Variants in GCA observed in about 807,000 individuals in gnomAD.
The protein encoded by GCA is grancalcin, also known as grancalcin, EF-hand calcium-binding protein.
A neutral mutation model predicts 32.6 loss-of-function variants in GCA; 30 were observed. The observed-to-expected ratio is 0.92, with a 90% CI of 0.69 to 1.25. The LOEUF is 1.25. Ranked by LOEUF, GCA falls within the 50% of genes most tolerant of loss-of-function variation. GCA has a pLI of 0.00. For synonymous variants in GCA, 102 were observed against 84.6 expected (o/e 1.21, Z -1.13); for missense variants, 291 against 266.8 (o/e 1.09, Z -0.63).
intron 3 of GCA, among the ~76,000 whole-genome samples, chr2:162,355,189 C>T (rs948388244): frequency 3.9e-5 from 6 of 152,202 alleles, no homozygotes; most frequent in Middle Eastern, 3.4e-3. Flanking sequence ...TCCTTTTTTA[C>T]AATTGGAACT....
chr2:162,320,382 A>T (rs574925057), intron 1 of GCA, among the ~76,000 whole-genome samples: 8 of 152,274 alleles, frequency 5.3e-5, no homozygotes, highest in Admixed American at 2.6e-4. Flanking sequence ...GCAAAAACAT[A>T]CTCCTATCCC....
intron 1 of GCA, among the ~76,000 whole-genome samples, chr2:162,330,776 C>A (rs1171229455): frequency 2.0e-5 from 3 of 152,138 alleles, no homozygotes; most frequent in African/African-American, 4.8e-5. Context: ...CTGAGGATAC[C>A]ATCAATTCTC....
Position 162,361,244 on chromosome 2 carries a change from G to A in GCA, c.*1001G>A. The A allele has an allele frequency of 5.1e-6, 5 of 984,150 alleles. No homozygotes were observed. Among genetic ancestry groups the A allele is most frequent in the Non-Finnish European group, 6.0e-6 (5 of 829,020 alleles). The allele number at this position is 984,150 out of a possible 1,614,324, so 61.0% of individuals were successfully genotyped here. A position where few individuals can be genotyped will look rare whatever the true frequency, so the allele number is the denominator to read the frequency against. On this transcript the variant is annotated 3_prime_UTR_variant, in exon 8 of 8. Coordinates refer to ENST00000437150, the MANE Select transcript of GCA (RefSeq NM_012198.5). ...TGATGTGGTGTTTTGAGCATAGTAG[G>A]CACCACAGCAACTTTTCTGCGTGGT...
intron 1 of GCA, among the ~76,000 whole-genome samples, chr2:162,331,121 A>G (rs1275810489): frequency 6.6e-6 from 1 of 152,214 alleles, no homozygotes; most frequent in Non-Finnish European, 1.5e-5. Context: ...AAACAGTGAA[A>G]TCACTAACAA....
chr2:162,319,152 G>T, exon 1 of GCA: 1 of 456,794 alleles, frequency 2.2e-6, no homozygotes, highest in South Asian at 1.5e-5. Flanking sequence ...GAAGACAGGA[G>T]GAAGTCCTTC....
intron 2 of GCA, among the ~76,000 whole-genome samples, chr2:162,348,481 T>C (rs916158794): frequency 2.6e-5 from 4 of 152,314 alleles, no homozygotes; most frequent in Non-Finnish European, 4.4e-5. Context: ...TGGTAAATTT[T>C]CCAGGTTATC....
chr2:162,335,442 G>T (rs890002735), intron 1 of GCA, among the ~76,000 whole-genome samples: 3 of 150,598 alleles, frequency 2.0e-5, no homozygotes, highest in Non-Finnish European at 4.4e-5. Flanking sequence ...AAGGACCAGA[G>T]AAATAAAAGT....
upstream of GCA, among the ~76,000 whole-genome samples, chr2:162,343,885 A>G (rs1684533868): frequency 6.6e-6 from 1 of 152,172 alleles, no homozygotes. Flanking sequence ...TGCAGCAGCC[A>G]AGGCTTCTTC....
At chr2:162,373,294 C>A (rs1442072720), downstream of GCA, among the ~76,000 whole-genome samples, 1 of 152,224 alleles carries the variant, frequency 6.6e-6, no homozygotes, top group South Asian at 2.1e-4. Flanking sequence ...TAAAAATCAG[C>A]GTGGGCTTGT....
rs545281061 is a variant in GCA at position 162,347,738 on chromosome 2, GA to G, written c.189del (p.Gln64ArgfsTer14). On this transcript the variant is annotated frameshift_variant, in exon 2 of 8. Coordinates refer to ENST00000437150, the MANE Select transcript of GCA (RefSeq NM_012198.5). LOFTEE classifies it high-confidence loss of function. ...TATACTTACTTCAGTGCTGTTGCTG[GA>G]CAGGTGAGATGCTAAATTTATTGCA... Reference protein sequence around the residue: ...SVYTYFSAVAGQDGEVDAEEL... With the variant: ...SVYTYFSAVAXQDGEVDAEEL... 2.0e-4 allele frequency: 304 copies of G among 1,519,398 alleles called. 1 individual carries two copies. The East Asian group carries it at 6.0e-3, about 30-fold the overall frequency. The allele number at this position is 1,519,398 out of a possible 1,614,324, so 94.1% of individuals were successfully genotyped here. A position where few individuals can be genotyped will look rare whatever the true frequency, so the allele number is the denominator to read the frequency against.
At chr2:162,364,749 G>T (rs1010704084), downstream of GCA, among the ~76,000 whole-genome samples, 5 of 151,386 alleles carry the variant, frequency 3.3e-5, no homozygotes, top group African/African-American at 1.2e-4. Flanking sequence ...GAGGAATTAA[G>T]AAAGTATGAA....
At chr2:162,357,718 A>G (rs1177125807) in intron 5 of GCA, among the ~76,000 whole-genome samples, 2 of 151,674 alleles carry the variant, frequency 1.3e-5, no homozygotes, top group African/African-American at 4.8e-5. Flanking sequence ...ATGTAGTTCA[A>G]TTATAGATCC....
intron 5 of GCA, among the ~76,000 whole-genome samples, chr2:162,357,798 A>G (rs1322732642): frequency 2.0e-5 from 3 of 151,678 alleles, no homozygotes; most frequent in African/African-American, 7.2e-5. Context: ...AATCTTTGGC[A>G]GAAAAGAAAA....
intron 1 of GCA, among the ~76,000 whole-genome samples, chr2:162,325,610 C>A (rs1289582433): frequency 6.6e-6 from 1 of 152,168 alleles, no homozygotes; most frequent in African/African-American, 2.4e-5. Context: ...CATGTCATCA[C>A]TGGGATCCCA....
intron 2 of GCA, among the ~76,000 whole-genome samples, chr2:162,349,514 G>A (rs1193169458): frequency 6.6e-6 from 1 of 152,172 alleles, no homozygotes; most frequent in South Asian, 2.1e-4. Flanking sequence ...TTTTTAAGAT[G>A]TGTGTTTTTT....
At chr2:162,341,332 G>A (rs1684443685), upstream of GCA, among the ~76,000 whole-genome samples, 1 of 146,666 alleles carries the variant, frequency 6.8e-6, no homozygotes, top group Non-Finnish European at 1.5e-5. Flanking sequence ...CTCTGGGTTT[G>A]TGATTGAAAT....
chr2:162,325,505 G>A (rs1480429193), intron 1 of GCA, among the ~76,000 whole-genome samples: 1 of 152,102 alleles, frequency 6.6e-6, no homozygotes, highest in African/African-American at 2.4e-5. Context: ...TTTTATCAAG[G>A]CCTCTCCAGG....
At chr2:162,360,192 GATA>G in intron 7 of GCA, 22 bp from the exon 8 acceptor site, 1 of 1,343,334 alleles carries the variant, frequency 7.4e-7, no homozygotes, top group Non-Finnish European at 1.1e-6. Context: ...ATTCTTAATA[GATA>G]ATAATTTCAC....
rs1225277005 is a variant in GCA at position 162,323,674 on chromosome 2, C to A, written c.-31+4449C>A. 2.6e-5 allele frequency among the ~76,000 whole-genome samples: 4 copies of A among 151,888 alleles called. No individual in the cohort carries two copies. In the East Asian group the frequency reaches 7.7e-4, roughly 29 times the overall value. ...CATTTATTAAATAGGGAATACTTTCCCCATTGCTTGTTTTTCTCAGGTTTG... is the reference window on the plus strand; with the variant it reads ...CATTTATTAAATAGGGAATACTTTCACCATTGCTTGTTTTTCTCAGGTTTG... On this transcript the variant is annotated intron_variant, in intron 1 of 4. Coordinates refer to the GCA transcript ENST00000429691.
Sources: allele counts gnomAD v4.1 joint callset (sites outside exome capture counted in the v4.1 genomes callset), GRCh38; gene constraint gnomAD v4.1.1; transcripts MANE v1.5; gene names NCBI Gene and HGNC (gene_info 2026-07-23, HGNC 2026-07-21).